PACRG: variants seen among roughly 807,000 people sequenced by gnomAD.
The protein encoded by PACRG is parkin coregulated, also known as parkin coregulated gene protein.
Under a neutral mutation model 29.7 loss-of-function variants are expected in PACRG, and 29 were observed. The ratio of observed to expected loss-of-function variants is 0.98; its 90% CI spans 0.73 to 1.33. PACRG has a LOEUF of 1.33. PACRG is among the 40% of genes most tolerant of loss of function. PACRG has a pLI of 0.00. For synonymous variants in PACRG, 116 were observed against 118.7 expected, an observed-to-expected ratio of 0.98 and a Z score of 0.15; for missense variants, 279 against 316.2, an observed-to-expected ratio of 0.88 and a Z score of 0.89.
At chr6:163,296,342 C>T (rs1265690171) in intron 4 of PACRG, among the ~76,000 whole-genome samples, 1 of 152,144 alleles carries the variant, frequency 6.6e-6, no homozygotes, top group Non-Finnish European at 1.5e-5. Flanking sequence ...CCAGGCCAGG[C>T]TGGAGTGCAG....
At chr6:163,154,920 A>C (rs965657210) in intron 4 of PACRG, among the ~76,000 whole-genome samples, 5 of 152,076 alleles carry the variant, frequency 3.3e-5, no homozygotes, top group Non-Finnish European at 5.9e-5. Flanking sequence ...AAGCACTGGG[A>C]GTTAAGTTAC....
chr6:162,912,526 T>C (rs947266734), intron 2 of PACRG, among the ~76,000 whole-genome samples: 1 of 152,140 alleles, frequency 6.6e-6, no homozygotes, highest in Non-Finnish European at 1.5e-5. Context: ...GTATACACTA[T>C]GATACATTCA....
intron 1 of PACRG, among the ~76,000 whole-genome samples, chr6:162,735,714 A>G (rs1018332886): frequency 3.9e-5 from 6 of 152,152 alleles, no homozygotes; most frequent in African/African-American, 9.7e-5. Context: ...TCCATTCTCA[A>G]TAATGGCTTT....
chr6:163,161,667 C>A (rs1372100312), intron 4 of PACRG, among the ~76,000 whole-genome samples: 2 of 152,076 alleles, frequency 1.3e-5, no homozygotes, highest in Non-Finnish European at 2.9e-5. Context: ...AGAGATCAAC[C>A]CTGACCCCCT....
At chr6:163,078,591 GTTATCATTGTCATCA>G (rs1157602340) in intron 3 of PACRG, among the ~76,000 whole-genome samples, 2 of 152,056 alleles carry the variant, frequency 1.3e-5, no homozygotes, top group Non-Finnish European at 2.9e-5. Context: ...GGTTATAAGT[GTTATCATTGTCATCA>G]TTATCATCGT....
chr6:163,277,449 G>A (rs1784071789), intron 4 of PACRG, among the ~76,000 whole-genome samples: 1 of 148,206 alleles, frequency 6.7e-6, no homozygotes, highest in Non-Finnish European at 1.5e-5. Flanking sequence ...CCTTTTTATG[G>A]CTGAGTAGTA....
At chr6:163,194,865 TC>T (rs1780376051) in intron 4 of PACRG, among the ~76,000 whole-genome samples, 2 of 152,184 alleles carry the variant, frequency 1.3e-5, no homozygotes, top group South Asian at 4.2e-4. Context: ...TCTTCTCCCT[TC>T]CCACCTCCTT....
intron 4 of PACRG, among the ~76,000 whole-genome samples, chr6:163,111,343 G>T (rs985393493): frequency 1.3e-5 from 2 of 152,238 alleles, no homozygotes; most frequent in Non-Finnish European, 2.9e-5. Flanking sequence ...GGGGAACAAT[G>T]AAGTAGATGC....
At chr6:163,089,218 T>A in intron 3 of PACRG, 41 bp from the exon 4 acceptor site, 1 of 1,590,376 alleles carries the variant, frequency 6.3e-7, no homozygotes. Flanking sequence ...TGATGCTTTC[T>A]ATTAAAATAT....
At position 163,089,423 on chromosome 6, in the gene PACRG, G is replaced by A. The variant is rs527410995; in HGVS notation, c.613+15G>A. The A allele has an allele frequency of 1.5e-5, 24 of 1,610,170 alleles. No individual in the cohort carries two copies. Among genetic ancestry groups the A allele is most frequent in the African/African-American group, 1.5e-4 (11 of 74,918 alleles). On this transcript the variant is annotated intron_variant, in intron 4 of 4. Transcript: ENST00000366888. Reference sequence around the variant, plus strand: ...GAATATGAATGGTGAGTGAGCCCACGAGTCAAAATGTCTTTTAAGCCAAAG... The same window carrying A: ...GAATATGAATGGTGAGTGAGCCCACAAGTCAAAATGTCTTTTAAGCCAAAG...
intron 1 of PACRG, among the ~76,000 whole-genome samples, chr6:162,782,142 A>C (rs1462736110): frequency 2.6e-5 from 4 of 151,924 alleles, no homozygotes; most frequent in Admixed American, 2.6e-4. Context: ...GGATTTCAGA[A>C]CAGAGAATAT....
chr6:162,777,243 T>C lies in PACRG; in HGVS notation c.157-36904T>C, dbSNP rs1047915832. On this transcript the variant is annotated intron_variant, in intron 1 of 4. Coordinates refer to ENST00000366888, the MANE Select transcript of PACRG (RefSeq NM_001080379.2). This position sits in a 1 kb window ranked among gnomAD's most constrained non-coding sequence, Gnocchi z 4.0. ...CTCCCTCGTGCCGGCTGTGTGACGTTGTTTTTCTCCACTTCGGGACATGCA... is the reference window on the plus strand; with the variant it reads ...CTCCCTCGTGCCGGCTGTGTGACGTCGTTTTTCTCCACTTCGGGACATGCA... 6.6e-6 allele frequency among the ~76,000 whole-genome samples: 1 copy of C among 152,224 alleles called. No individual in the cohort carries two copies. The highest frequency in any genetic ancestry group is 1.5e-5 in the Non-Finnish European group (1 of 68,036).
intron 2 of PACRG, among the ~76,000 whole-genome samples, chr6:162,834,642 C>T (rs1789066740): frequency 6.6e-6 from 1 of 151,384 alleles, no homozygotes; most frequent in South Asian, 2.1e-4. Context: ...CTAGTTATGC[C>T]TCAAGATCAC....
chr6:163,177,710 A>AGTTTTTTTTTTTTTT (rs1779440417), intron 4 of PACRG, among the ~76,000 whole-genome samples: 1 of 53,746 alleles, frequency 1.9e-5, no homozygotes, highest in Non-Finnish European at 3.1e-5. Context: ...TAGAAAAGGG[A>AGTTTTTTTTTTTTTT]TTTTTTTTTT....
chr6:162,881,370 A>AT (rs68064523), intron 2 of PACRG, among the ~76,000 whole-genome samples: 24,749 of 152,080 alleles, frequency 0.16, 2,182 homozygotes, highest in Middle Eastern at 0.2. Context: ...GTAGATGTTT[A>AT]TTTTTTTAAA....
intron 2 of PACRG, among the ~76,000 whole-genome samples, chr6:162,987,647 G>A (rs762679404): frequency 1.1e-4 from 16 of 152,114 alleles, no homozygotes; most frequent in African/African-American, 2.4e-4. Context: ...TCAGCCAGGC[G>A]GAACTATGAG....
intron 1 of PACRG, among the ~76,000 whole-genome samples, chr6:162,733,422 T>G (rs1385022658): frequency 6.6e-6 from 1 of 152,158 alleles, no homozygotes; most frequent in Non-Finnish European, 1.5e-5. Flanking sequence ...GGAAAGCAAT[T>G]CTACCCTTTC....
At chr6:162,952,876 T>A (rs1799753929) in intron 2 of PACRG, among the ~76,000 whole-genome samples, 1 of 152,192 alleles carries the variant, frequency 6.6e-6, no homozygotes, top group Non-Finnish European at 1.5e-5. Context: ...GCTTCGACGT[T>A]TTTGCATGTG....
chr6:162,971,403 C>T (rs1040600739), intron 2 of PACRG, among the ~76,000 whole-genome samples: 1 of 152,186 alleles, frequency 6.6e-6, no homozygotes, highest in East Asian at 1.9e-4. Flanking sequence ...CCTCTTACAA[C>T]CACAGCGGCA....
Sources: allele counts gnomAD v4.1 joint callset (sites outside exome capture counted in the v4.1 genomes callset), GRCh38; gene constraint gnomAD v4.1.1; non-coding constraint Gnocchi (gnomAD v3.1); transcripts MANE v1.5; gene names NCBI Gene and HGNC (gene_info 2026-07-23, HGNC 2026-07-21).